ALDH1L2: variants seen among roughly 807,000 people sequenced by gnomAD.
ALDH1L2 encodes the protein mitochondrial 10-formyltetrahydrofolate dehydrogenase.
A neutral mutation model predicts 111.0 loss-of-function variants in ALDH1L2; 91 were observed. That is an observed-to-expected ratio of 0.82 (90% CI 0.69 to 0.98). The LOEUF is 0.98. ALDH1L2 is among the 50% of genes least tolerant of loss of function. ALDH1L2 has a pLI of 0.00. For synonymous variants in ALDH1L2, 374 were observed against 392.6 expected (o/e 0.95, Z 0.56); for missense variants, 995 against 1,126.8 (o/e 0.88, Z 1.67).
chr12:105,070,508 C>G (rs1202063123), intron 3 of ALDH1L2, 62 bp downstream of exon 3: 2 of 1,365,132 alleles, frequency 1.5e-6, no homozygotes, highest in Non-Finnish European at 1.0e-6. Flanking sequence ...AGTTTGAACC[C>G]AGACTGGGCA....
In ALDH1L2 at chr12:105,058,087, G is replaced by T; in HGVS notation, c.1273C>A (p.Leu425Met). The T allele has an allele frequency of 6.2e-7, 1 of 1,612,840 alleles. No homozygotes were observed. The highest frequency in any genetic ancestry group is 8.5e-7 in the Non-Finnish European group (1 of 1,179,552). The change falls in exon 10 of 23, where the codon CTG becomes ATG. Residue 425 changes from leucine (L) to methionine (M), a missense_variant. Transcript: ENST00000258494. ...GAAAAGCTTACATAATCTACAACCAGCTCCACCTCTTGATCTTCTCCTCTC... is the reference window on the plus strand; with the variant it reads ...GAAAAGCTTACATAATCTACAACCATCTCCACCTCTTGATCTTCTCCTCTC... ...KLRGEDQEVE[L>M]VVDYISKEVN...
intron 19 of ALDH1L2, 120 bp downstream of exon 19, chr12:105,034,180 T>A (rs564148115): frequency 2.3e-5 from 21 of 928,484 alleles, no homozygotes; most frequent in African/African-American, 5.2e-5. Context: ...TGATTTTTTT[T>A]AAAACATAAC....
At position 105,026,589 on chromosome 12, in the gene ALDH1L2, G is replaced by T; in HGVS notation, c.2672C>A (p.Ala891Asp). The T allele has an allele frequency of 6.2e-7, 1 of 1,614,132 alleles. No homozygotes were observed. ...AGATTGTTTAACTCCGCCAAATGGG[G>T]CCGCCACATCTGTCTTGTTGTATGT... is the stretch of plus-strand genomic sequence containing the variant. ...INTYNKTDVA[A>D]PFGGVKQSGF... is the part of the protein sequence containing the mutation. The change falls in exon 22 of 23, where the codon GCC (alanine) becomes GAC (aspartate). Residue 891 changes from alanine to aspartate, a missense_variant. Ala to Asp is a moderately radical substitution (Grantham distance 126, BLOSUM62 -2). Transcript: ENST00000258494.
chr12:105,043,029 CA>C (rs1281426955), intron 15 of ALDH1L2, among the ~76,000 whole-genome samples: 2 of 152,094 alleles, frequency 1.3e-5, no homozygotes, highest in African/African-American at 4.8e-5. Context: ...TTTTAGCTGA[CA>C]AAGATATGAA....
intron 1 of ALDH1L2, among the ~76,000 whole-genome samples, chr12:105,077,526 G>A (rs1371379848): frequency 2.0e-5 from 3 of 151,200 alleles, no homozygotes; most frequent in Non-Finnish European, 4.4e-5. Context: ...CACTCCACCC[G>A]CCTTGGCATC....
intron 7 of ALDH1L2, among the ~76,000 whole-genome samples, chr12:105,062,115 G>A (rs1274195090): frequency 1.3e-5 from 2 of 152,212 alleles, no homozygotes; most frequent in Non-Finnish European, 1.5e-5. Flanking sequence ...CCATGCTCAA[G>A]AATGCATGCA....
At chr12:105,025,361 G>A (rs1260175124) in intron 22 of ALDH1L2, among the ~76,000 whole-genome samples, 2 of 152,164 alleles carry the variant, frequency 1.3e-5, no homozygotes, top group Non-Finnish European at 2.9e-5. Flanking sequence ...TTTAAAATTG[G>A]GGGAGGAAGA....
chr12:105,024,768 G>A (rs781066912), intron 22 of ALDH1L2, among the ~76,000 whole-genome samples: 54 of 152,186 alleles, frequency 3.5e-4, no homozygotes, highest in Non-Finnish European at 7.6e-4. Flanking sequence ...AATAGTAACA[G>A]CCCAGACCAG....
intron 15 of ALDH1L2, among the ~76,000 whole-genome samples, chr12:105,042,262 AAG>A (rs748287380): frequency 5.3e-5 from 8 of 152,242 alleles, no homozygotes; most frequent in Non-Finnish European, 1.2e-4. Flanking sequence ...TTCTCCAAGA[AAG>A]AGAGACATGG....
At chr12:105,058,838 A>G (rs1042026396) in intron 9 of ALDH1L2, among the ~76,000 whole-genome samples, 1 of 152,230 alleles carries the variant, frequency 6.6e-6, no homozygotes, top group African/African-American at 2.4e-5. Context: ...GTTGTGGTTC[A>G]ATCATTTATT....
Position 105,023,272 on chromosome 12 carries a change from A to G in ALDH1L2, c.*1152T>C, listed in dbSNP as rs1056445614. ...AGTGAACAGCAGAACCAATAGGTAG[A>G]AAAATGGAAAGTAAGATGTCCCATG... On this transcript the variant is annotated 3_prime_UTR_variant, in exon 23 of 23. Coordinates refer to ENST00000258494, the MANE Select transcript of ALDH1L2 (RefSeq NM_001034173.4). The G allele has an allele frequency of 6.6e-6, 1 of 152,212 alleles. No individual in the cohort carries two copies. The highest frequency in any genetic ancestry group is 2.4e-5 in the African/African-American group (1 of 41,450). 9.4% of individuals were successfully genotyped at this position (152,212 alleles called of 1,614,324 possible).
At chr12:105,045,862 T>G (rs1163034196) in intron 15 of ALDH1L2, among the ~76,000 whole-genome samples, 1 of 152,126 alleles carries the variant, frequency 6.6e-6, no homozygotes, top group Admixed American at 6.6e-5. Flanking sequence ...CCACGACTTA[T>G]GCACCTCAGA....
intron 2 of ALDH1L2, 153 bp downstream of exon 2, chr12:105,073,708 G>T: frequency 9.2e-7 from 1 of 1,084,810 alleles, no homozygotes; most frequent in Non-Finnish European, 1.3e-6. Flanking sequence ...TTAATAAAAA[G>T]CTTTTCCCTG....
rs1876964153 is a variant in ALDH1L2 at position 105,061,032 on chromosome 12, T to C, written c.1088A>G (p.Glu363Gly). 1 of 1,613,996 alleles carries C rather than the reference T, an allele frequency of 6.2e-7. No homozygotes were observed. The highest frequency in any genetic ancestry group is 1.3e-5 in the African/African-American group (1 of 75,022). The change falls in exon 9 of 23, where the codon GAA becomes GGA. Residue 363 changes from glutamate (E) to glycine (G), a missense_variant. Coordinates refer to ENST00000258494, the MANE Select transcript of ALDH1L2 (RefSeq NM_001034173.4). ...AGILSNVPII[E>G]DSTDFFKSGA... ...AGATTTAAAGAAGTCTGTTGAGTCT[T>C]CAATAATGGGGACATTGCTTAAAAT...
intron 1 of ALDH1L2, among the ~76,000 whole-genome samples, chr12:105,077,064 C>G (rs1373311603): frequency 2.6e-5 from 4 of 152,160 alleles, no homozygotes; most frequent in African/African-American, 4.8e-5. Context: ...AAAAGAAAAA[C>G]ATAGCAACAG....
intron 10 of ALDH1L2, among the ~76,000 whole-genome samples, chr12:105,054,965 G>A (rs1312927305): frequency 6.6e-6 from 1 of 152,116 alleles, no homozygotes; most frequent in East Asian, 1.9e-4. Context: ...GCTGCCCACA[G>A]CCACTAAAAA....
chr12:105,026,613 G>A lies in ALDH1L2; in HGVS notation c.2648C>T (p.Thr883Ile), dbSNP rs201076425. Residue 883 changes from threonine (T) to isoleucine (I), a missense_variant, in exon 22 of 23, where the codon ACA (threonine) becomes ATA (isoleucine). By Grantham distance (89) the Thr-to-Ile change is moderately conservative. Transcript: ENST00000258494. The stretch of plus-strand genomic sequence containing the variant: ...GGCCGCCACATCTGTCTTGTTGTAT[G>A]TGTTAATAAAAACAGTTCCTGCTTC... ...KLEAGTVFIN[T>I]YNKTDVAAPF... 4.3e-6 allele frequency: 7 copies of A among 1,614,002 alleles called. No homozygotes were observed. Among genetic ancestry groups the A allele is most frequent in the Admixed American group, 1.7e-5 (1 of 60,002 alleles).
At position 105,039,781 on chromosome 12, in the gene ALDH1L2, A is replaced by C. The variant is rs754161640; in HGVS notation, c.1977T>G (p.Ser659=). ...GSGGIAGQRL[S]EHPDIRKLGF... is the part of the protein sequence containing the mutation. ...CAAGTTTGCGGATGTCAGGATGTTC[A>C]GACAGACGTTGTCCTGCTATGCCAC... The change falls in exon 17 of 23, where the codon TCT becomes TCG. Residue 659 remains serine, a synonymous_variant. Coordinates refer to ENST00000258494, the MANE Select transcript of ALDH1L2 (RefSeq NM_001034173.4). 3 of 1,613,946 alleles carry C rather than the reference A, an allele frequency of 1.9e-6. No individual in the cohort carries two copies. The highest frequency in any genetic ancestry group is 1.7e-6 in the Non-Finnish European group (2 of 1,179,976).
intron 12 of ALDH1L2, among the ~76,000 whole-genome samples, chr12:105,050,911 C>CA (rs376316365): frequency 1.3e-4 from 20 of 152,144 alleles, no homozygotes; most frequent in African/African-American, 4.8e-4. Context: ...ATGGGAGCTA[C>CA]AATTCAAGAT....
Sources: gnomAD v4.1 joint callset for allele counts (sites outside exome capture counted in the v4.1 genomes callset) on GRCh38, gnomAD v4.1.1 for gene constraint, MANE v1.5 for transcripts, NCBI Gene and HGNC (gene_info 2026-07-23, HGNC 2026-07-21) for gene names.